Variants in GPC5 observed in about 807,000 individuals in gnomAD.
GPC5 encodes the protein glypican-5.
In GPC5, 47 loss-of-function variants were observed where a neutral mutation model predicts 53.9. The ratio of observed to expected loss-of-function variants is 0.87; its 90% CI spans 0.69 to 1.11. The LOEUF (loss-of-function observed/expected upper bound fraction) is 1.11. GPC5 is among the 50% of genes most tolerant of loss of function. GPC5 has a pLI of 0.00. For missense variants in GPC5, 748 were observed against 713.1 expected (o/e 1.05, Z -0.56); for synonymous variants, 286 against 263.3 (o/e 1.09, Z -0.84).
At chr13:92,103,827 C>G (rs969192317) in intron 6 of GPC5, among the ~76,000 whole-genome samples, 2 of 152,244 alleles carry the variant, frequency 1.3e-5, no homozygotes, top group South Asian at 2.1e-4. Flanking sequence ...AGAGAGATTA[C>G]GATTCTCTTA....
At chr13:91,933,735 A>C (rs1343110609) in intron 6 of GPC5, among the ~76,000 whole-genome samples, 1 of 151,896 alleles carries the variant, frequency 6.6e-6, no homozygotes, top group African/African-American at 2.4e-5. Flanking sequence ...AGTGTATTCT[A>C]CTGTGTATCA....
chr13:91,427,357 A>G (rs1441644054), intron 1 of GPC5, among the ~76,000 whole-genome samples: 1 of 152,200 alleles, frequency 6.6e-6, no homozygotes, highest in Non-Finnish European at 1.5e-5. Context: ...GCCCAAGACC[A>G]TGGGATCCCA....
chr13:92,624,291 A>G (rs1884977782), intron 7 of GPC5, among the ~76,000 whole-genome samples: 2 of 152,154 alleles, frequency 1.3e-5, no homozygotes, highest in East Asian at 1.9e-4. Context: ...GCTGGTCTCA[A>G]ACTCCTGATC....
intron 7 of GPC5, among the ~76,000 whole-genome samples, chr13:92,310,323 T>C (rs138147198): frequency 4.6e-5 from 7 of 152,302 alleles, no homozygotes; most frequent in African/African-American, 1.7e-4. Flanking sequence ...TCTCCTGTTA[T>C]ATTCTAATAG....
chr13:92,038,275 A>AT (rs1566406772), intron 6 of GPC5, among the ~76,000 whole-genome samples: 1 of 151,722 alleles, frequency 6.6e-6, no homozygotes. Flanking sequence ...TAAAGTTTTC[A>AT]TTTGTACATT....
chr13:91,903,726 A>C lies in GPC5; in HGVS notation c.1281-4211A>C, dbSNP rs557587584. On this transcript the variant is annotated intron_variant, in intron 5 of 7. Coordinates refer to ENST00000377067, the MANE Select transcript of GPC5 (RefSeq NM_004466.6). ...ACTCTGAAATATTCAATAATATAAC[A>C]GCTTGGAATGAGATTTTTATCAGCT... is the stretch of plus-strand genomic sequence containing the variant. 2.0e-5 allele frequency among the ~76,000 whole-genome samples: 3 copies of C among 152,280 alleles called. No homozygotes were observed. The East Asian group carries it at 5.8e-4, about 29-fold the overall frequency.
rs143363080 is a variant in GPC5, at chr13:92,484,520, C to T, written c.1561+339531C>T. 166 of 152,250 alleles carry T rather than the reference C, an allele frequency of 1.1e-3. 1 individual carries two copies. Among genetic ancestry groups the T allele is most frequent in the African/African-American group, 3.9e-3 (162 of 41,542 alleles). 9.4% of individuals were successfully genotyped at this position (152,250 alleles called of 1,614,324 possible). On this transcript the variant is annotated intron_variant, in intron 7 of 7. Transcript: ENST00000377067. ...TCAGTAGGTTTGTCTACATCAGCAT[C>T]ACCGTAAACATGTGAGTAATGCATT...
chr13:92,502,481 C>T (rs929452048), intron 7 of GPC5, among the ~76,000 whole-genome samples: 8 of 151,426 alleles, frequency 5.3e-5, no homozygotes, highest in Admixed American at 1.3e-4. Context: ...ACAAAAAATT[C>T]GCTTCAGATA....
chr13:91,599,129 C>T (rs565769428), intron 2 of GPC5, among the ~76,000 whole-genome samples: 6 of 152,052 alleles, frequency 3.9e-5, no homozygotes, highest in South Asian at 2.1e-4. Context: ...GTGTATTCAT[C>T]GCTTGACTAG....
chr13:92,775,597 G>C (rs1875775689), intron 7 of GPC5, among the ~76,000 whole-genome samples: 1 of 152,114 alleles, frequency 6.6e-6, no homozygotes, highest in Non-Finnish European at 1.5e-5. Context: ...TCATACCTTA[G>C]TTAAGTGACT....
chr13:91,668,651 A>G (rs1195124188), intron 2 of GPC5, among the ~76,000 whole-genome samples: 1 of 152,204 alleles, frequency 6.6e-6, no homozygotes, highest in Non-Finnish European at 1.5e-5. Flanking sequence ...AAAGAAAGAT[A>G]CTAGAATGTC....
At chr13:91,972,159 G>A in intron 6 of GPC5, among the ~76,000 whole-genome samples, 2 of 151,224 alleles carry the variant, frequency 1.3e-5, no homozygotes, top group African/African-American at 2.4e-5. Context: ...CCTGTATTGG[G>A]TGCATATATA....
At chr13:91,602,035 G>C (rs974441874) in intron 2 of GPC5, among the ~76,000 whole-genome samples, 36 of 152,300 alleles carry the variant, frequency 2.4e-4, no homozygotes, top group African/African-American at 8.2e-4. Context: ...AGAAGGAGGA[G>C]CATGGTACAG....
chr13:91,571,835 A>G, intron 2 of GPC5, among the ~76,000 whole-genome samples: 4 of 85,892 alleles, frequency 4.7e-5, no homozygotes, highest in African/African-American at 7.6e-5. Context: ...ATATACACAT[A>G]TACTTGTGTG....
At chr13:91,526,665 G>A (rs920548035) in intron 2 of GPC5, among the ~76,000 whole-genome samples, 1 of 152,154 alleles carries the variant, frequency 6.6e-6, no homozygotes, top group Non-Finnish European at 1.5e-5. Context: ...GTCATTTTCA[G>A]AGCTGTTTTT....
intron 7 of GPC5, among the ~76,000 whole-genome samples, chr13:92,457,319 T>C (rs1251062542): frequency 6.6e-6 from 1 of 152,144 alleles, no homozygotes; most frequent in Non-Finnish European, 1.5e-5. Flanking sequence ...GAGTGCATGT[T>C]GGTCTGGATA....
intron 2 of GPC5, among the ~76,000 whole-genome samples, chr13:91,544,944 C>T (rs985633811): frequency 1.8e-4 from 28 of 152,154 alleles, no homozygotes; most frequent in Admixed American, 1.8e-3. Flanking sequence ...GACTGGCAAA[C>T]TCAGTTCCTC....
intron 2 of GPC5, among the ~76,000 whole-genome samples, chr13:91,638,964 G>A (rs1310161127): frequency 6.6e-6 from 1 of 152,142 alleles, no homozygotes; most frequent in Non-Finnish European, 1.5e-5. Context: ...AGGCAATGAT[G>A]CTTAAAGAAA....
chr13:92,613,257 TA>T (rs1236631392), intron 7 of GPC5, among the ~76,000 whole-genome samples: 1 of 126,850 alleles, frequency 7.9e-6, no homozygotes, highest in African/African-American at 3.0e-5. Context: ...AATTTATATA[TA>T]ATATATATAT....
Sources: gnomAD v4.1 joint callset for allele counts (sites outside exome capture counted in the v4.1 genomes callset) on GRCh38, gnomAD v4.1.1 for gene constraint, MANE v1.5 for transcripts, NCBI Gene and HGNC (gene_info 2026-07-23, HGNC 2026-07-21) for gene names.